The following OAS3 variants were observed in gnomAD, a reference collection of about 807,000 sequenced individuals.
OAS3 encodes 2'-5'-oligoadenylate synthase 3.
OAS3 carries 107 observed loss-of-function variants against 113.0 expected under a neutral mutation model. The ratio of observed to expected loss-of-function variants is 0.95; its 90% CI spans 0.81 to 1.11. The LOEUF (loss-of-function observed/expected upper bound fraction) is 1.11. OAS3 is among the 50% of genes most tolerant of loss of function. OAS3 has a pLI of 0.00. For missense variants in OAS3, 1,258 were observed against 1,389.1 expected (o/e 0.91, Z 1.50); for synonymous variants, 552 against 573.6 (o/e 0.96, Z 0.54).
chr12:112,967,554 GA>G lies in OAS3; in HGVS notation c.2828del (p.Lys943ArgfsTer3), dbSNP rs1355265899. ...TCATCATCTCTCGCCCTACCAAGCT[GA>G]AGAGCCTGATCCGGCTGGTGAAGCA... ...DFIISRPTKLKSLIRLVKHWY... is the reference protein window; with the variant it reads ...DFIISRPTKLXSLIRLVKHWY... On this transcript the variant is annotated frameshift_variant, in exon 13 of 16. Transcript: ENST00000228928. LOFTEE classifies it high-confidence loss of function. The G allele has an allele frequency of 6.2e-7, 1 of 1,613,866 alleles. No individual in the cohort carries two copies. The highest frequency in any genetic ancestry group is 1.7e-5 in the Admixed American group (1 of 60,012).
chr12:112,959,355 C>T (rs1009566908), intron 7 of OAS3, among the ~76,000 whole-genome samples: 5 of 151,566 alleles, frequency 3.3e-5, no homozygotes, highest in African/African-American at 1.2e-4. Flanking sequence ...CACTGTCCAA[C>T]AAGCCACAGT....
chr12:112,949,651 G>A (rs1482384438), intron 6 of OAS3, among the ~76,000 whole-genome samples: 3 of 152,076 alleles, frequency 2.0e-5, no homozygotes, highest in East Asian at 1.9e-4. Context: ...TCTCTCTCTC[G>A]CTCTCTCTGT....
chr12:112,958,236 T>C (rs2043853032), intron 7 of OAS3, among the ~76,000 whole-genome samples: 1 of 152,250 alleles, frequency 6.6e-6, no homozygotes, highest in Admixed American at 6.5e-5. Flanking sequence ...TAGCCATTCG[T>C]TTAATCTTTT....
At position 112,948,877 on chromosome 12, in the gene OAS3, G is replaced by C. The variant is rs563590632; in HGVS notation, c.1046G>C (p.Gly349Ala). The stretch of plus-strand genomic sequence containing the variant: ...ACCTTCCAGGGCCTTCCACGTGCTG[G>C]ATGCTCAGGTTTGGGCCACCCCATC... ...SWKGPGLPRA[G>A]CSGLGHPIQL... Residue 349 changes from glycine (G) to alanine (A), a missense_variant, in exon 6 of 16, where the codon GGA (glycine) becomes GCA (alanine). Gly to Ala is a moderately conservative substitution (Grantham distance 60). Transcript: ENST00000228928. 2.3e-5 allele frequency: 37 copies of C among 1,579,888 alleles called. 2 individuals carry two copies. The African/African-American group carries it at 2.6e-4, about 11-fold the overall frequency.
At position 112,949,188 on chromosome 12, in the gene OAS3, G is replaced by T. The variant is rs2043766455; in HGVS notation, c.1357G>T (p.Ala453Ser). 6.2e-7 allele frequency: 1 copy of T among 1,611,298 alleles called. No homozygotes were observed. Among genetic ancestry groups the T allele is most frequent in the East Asian group, 2.2e-5 (1 of 44,788 alleles). Reference protein sequence around the residue: ...RCLHENCVHKASRVSKGGSFG... With the variant: ...RCLHENCVHKSSRVSKGGSFG... ...CCTCCATGAGAACTGTGTTCACAAGGCCTCAAGAGTCAGTAAAGTGAGTTG... is the reference window on the plus strand; with the variant it reads ...CCTCCATGAGAACTGTGTTCACAAGTCCTCAAGAGTCAGTAAAGTGAGTTG... Residue 453 changes from alanine to serine, a missense_variant, in exon 6 of 16, where the codon GCC (alanine) becomes TCC (serine). Ala to Ser is a moderately conservative substitution (Grantham distance 99). Transcript: ENST00000228928.
chr12:112,961,068 C>T lies in OAS3; in HGVS notation c.1658-3C>T, dbSNP rs2043878729. On this transcript the variant is annotated splice_region_variant and splice_polypyrimidine_tract_variant and intron_variant, in intron 7 of 15. Coordinates refer to ENST00000228928, the MANE Select transcript of OAS3 (RefSeq NM_006187.4). Reference sequence around the variant, plus strand: ...ACACTCAGGGTGTTTCAAACTTCTACAGGGCAGCTCAGTTCTGGCACCAAA... The same window carrying T: ...ACACTCAGGGTGTTTCAAACTTCTATAGGGCAGCTCAGTTCTGGCACCAAA... 6.2e-7 allele frequency: 1 copy of T among 1,612,560 alleles called. No individual in the cohort carries two copies. Among genetic ancestry groups the T allele is most frequent in the African/African-American group, 1.3e-5 (1 of 74,850 alleles).
chr12:112,946,131 G>A (rs942719365), intron 3 of OAS3, among the ~76,000 whole-genome samples: 1 of 152,180 alleles, frequency 6.6e-6, no homozygotes, highest in Non-Finnish European at 1.5e-5. Flanking sequence ...CGGAGGGAGT[G>A]TGGAGATGCT....
In OAS3 at chr12:112,938,618, C is replaced by T. The variant is rs201141925; in HGVS notation, c.88C>T (p.Arg30Trp). The T allele has an allele frequency of 3.5e-4, 566 of 1,609,448 alleles. 3 individuals carry two copies. Among genetic ancestry groups the T allele is most frequent in the Middle Eastern group, 5.4e-4 (3 of 5,584 alleles). ...GCGGAAGGAGTTCGTAGAGAAGGCG[C>T]GGCGCGCTCTGGGCGCCCTGGCCGC... is the stretch of plus-strand genomic sequence containing the variant. Reference protein sequence around the residue: ...QPRKEFVEKARRALGALAAAL... With the variant: ...QPRKEFVEKAWRALGALAAAL... The change falls in exon 1 of 16, where the codon CGG becomes TGG. Residue 30 changes from arginine to tryptophan, a missense_variant. Coordinates refer to ENST00000228928, the MANE Select transcript of OAS3 (RefSeq NM_006187.4).
intron 1 of OAS3, 44 bp from the exon 2 acceptor site, chr12:112,941,526 A>C (rs764545333): frequency 1.9e-6 from 3 of 1,578,626 alleles, no homozygotes; most frequent in Non-Finnish European, 1.7e-6. Context: ...CAAGGCCACT[A>C]GAATTGGACA....
chr12:112,964,400 G>A lies in OAS3; in HGVS notation c.2395G>A (p.Val799Met), dbSNP rs2043916148. ...GAATTCTCCCATCAAAGTGATCAAG[G>A]TGGTCAAGGTGAGTCCTCAGAGAGC... ...FRNSPIKVIK[V>M]VKGGSSAKGT... Residue 799 changes from valine to methionine, a missense_variant, in exon 11 of 16, where the codon GTG becomes ATG. By Grantham distance (21) the Val-to-Met change is conservative. Coordinates refer to ENST00000228928, the MANE Select transcript of OAS3 (RefSeq NM_006187.4). 6.2e-7 allele frequency: 1 copy of A among 1,611,206 alleles called. No individual in the cohort carries two copies. The highest frequency in any genetic ancestry group is 1.7e-5 in the Admixed American group (1 of 59,670).
At chr12:112,965,076 G>T (rs1306825076) in intron 11 of OAS3, among the ~76,000 whole-genome samples, 1 of 152,292 alleles carries the variant, frequency 6.6e-6, no homozygotes, top group Non-Finnish European at 1.5e-5. Flanking sequence ...GTGTACAAAA[G>T]GTCACACTGT....
rs1163136980 is a variant in OAS3 at position 112,962,680 on chromosome 12, C to G, written c.1862C>G (p.Pro621Arg). Residue 621 changes from proline to arginine, a missense_variant, in exon 9 of 16, where the codon CCA (proline) becomes CGA (arginine). Pro to Arg is a moderately radical substitution (Grantham distance 103, BLOSUM62 -2). Coordinates refer to ENST00000228928, the MANE Select transcript of OAS3 (RefSeq NM_006187.4). ...QVAAQNKGKG[P>R]APASLPPAYA... ...GCGGCTCAGAACAAAGGAAAAGGAC[C>G]AGCCCCTGCCTCTCTGCCCCCAGCC... The G allele has an allele frequency of 6.2e-7, 1 of 1,613,904 alleles. No homozygotes were observed. The highest frequency in any genetic ancestry group is 1.7e-5 in the Admixed American group (1 of 60,000).
intron 12 of OAS3, among the ~76,000 whole-genome samples, chr12:112,966,526 T>C (rs186261161): frequency 6.6e-6 from 1 of 152,240 alleles, no homozygotes; most frequent in African/African-American, 2.4e-5. Flanking sequence ...CACAACTCTC[T>C]TCATATCTTT....
Position 112,968,006 on chromosome 12 carries a change from C to T in OAS3, c.2936C>T (p.Ala979Val), listed in dbSNP as rs760838017. Residue 979 changes from alanine to valine, a missense_variant, in exon 14 of 16, where the codon GCC (alanine) becomes GTC (valine). Physicochemically the swap from Ala to Val is moderately conservative, Grantham distance 64. Coordinates refer to ENST00000228928, the MANE Select transcript of OAS3 (RefSeq NM_006187.4). ...GGGCTGGAACTCCTGACTGTGTATG[C>T]CTGGGAGCAGGGCGGGAAGGACTCC... ...QHGLELLTVY[A>V]WEQGGKDSQF... 6.2e-7 allele frequency: 1 copy of T among 1,614,020 alleles called. No individual in the cohort carries two copies. The highest frequency in any genetic ancestry group is 1.1e-5 in the South Asian group (1 of 91,084).
chr12:112,964,276 G>A lies in OAS3; in HGVS notation c.2271G>A (p.Lys757=). 1 of 1,603,114 alleles carries A rather than the reference G, an allele frequency of 6.2e-7. No homozygotes were observed. Among genetic ancestry groups the A allele is most frequent in the South Asian group, 1.1e-5 (1 of 88,538 alleles). The change falls in exon 11 of 16, where the codon AAG becomes AAA. Residue 757 remains lysine, a synonymous_variant. Coordinates refer to ENST00000228928, the MANE Select transcript of OAS3 (RefSeq NM_006187.4). ...AAACCCCAGCTGGGGACCTTGACAA[G>A]TTCATCAGTGAATTTCTCCAGCCCA... ...LYQTPAGDLD[K]FISEFLQPNR...
intron 7 of OAS3, among the ~76,000 whole-genome samples, chr12:112,959,712 CAG>C: frequency 6.6e-6 from 1 of 152,220 alleles, no homozygotes; most frequent in South Asian, 2.1e-4. Flanking sequence ...CTTTGTCTAT[CAG>C]GGCTGTCTGT....
rs770860083 is a variant in OAS3 at position 112,965,747 on chromosome 12, G to A, written c.2407G>A (p.Gly803Ser). 5.0e-6 allele frequency: 8 copies of A among 1,608,672 alleles called. No individual in the cohort carries two copies. Among genetic ancestry groups the A allele is most frequent in the Non-Finnish European group, 6.8e-6 (8 of 1,178,618 alleles). ...CCACCTGCCATGTCCTCTCCAGGGT[G>A]GCTCTTCAGCCAAAGGCACAGCTCT... Reference protein sequence around the residue: ...PIKVIKVVKGGSSAKGTALRG... With the variant: ...PIKVIKVVKGSSSAKGTALRG... The change falls in exon 12 of 16, where the codon GGC becomes AGC. Residue 803 changes from glycine to serine, a missense_variant. Physicochemically the swap from Gly to Ser is moderately conservative, Grantham distance 56. Transcript: ENST00000228928.
In OAS3 at chr12:112,944,615, G is replaced by A; in HGVS notation, c.600G>A (p.Lys200=). 1 of 1,614,092 alleles carries A rather than the reference G, an allele frequency of 6.2e-7. No homozygotes were observed. ...NFVNIRPAKL[K]NLILLVKHWY... ...TGAACATTCGCCCAGCCAAGTTGAAGAACCTAATCTTGCTGGTGAAGCACT... is the reference window on the plus strand; with the variant it reads ...TGAACATTCGCCCAGCCAAGTTGAAAAACCTAATCTTGCTGGTGAAGCACT... The change falls in exon 3 of 16, where the codon AAG becomes AAA. Residue 200 remains lysine, a synonymous_variant. Coordinates refer to ENST00000228928, the MANE Select transcript of OAS3 (RefSeq NM_006187.4).
At chr12:112,957,589 T>A (rs1379610211) in intron 7 of OAS3, among the ~76,000 whole-genome samples, 2 of 152,246 alleles carry the variant, frequency 1.3e-5, no homozygotes, top group East Asian at 3.8e-4. Context: ...TCTCCTTCAC[T>A]TATGAAGCTT....
Sources: allele counts gnomAD v4.1 joint callset (sites outside exome capture counted in the v4.1 genomes callset), GRCh38; gene constraint gnomAD v4.1.1; transcripts MANE v1.5; gene names NCBI Gene and HGNC (gene_info 2026-07-23, HGNC 2026-07-21).